PRRT2: variants seen among roughly 807,000 people sequenced by gnomAD.
The protein encoded by PRRT2 is proline-rich transmembrane protein 2.
Under a neutral mutation model 24.7 loss-of-function variants are expected in PRRT2, and 9 were observed. The observed-to-expected ratio is 0.36, with a 90% CI of 0.22 to 0.64. The LOEUF (loss-of-function observed/expected upper bound fraction) is 0.64, where lower values mean the gene tolerates loss of function less well. PRRT2 is among the 30% of genes least tolerant of loss of function. The probability of loss-of-function intolerance (pLI) is 0.65; values close to 1 mark genes in which losing one functional copy is unlikely to be tolerated. For synonymous variants in PRRT2, 195 were observed against 175.5 expected (o/e 1.11, Z -0.88); for missense variants, 460 against 435.0 (o/e 1.06, Z -0.51).
chr16:29,813,629 G>C lies in PRRT2; in HGVS notation c.575G>C (p.Gly192Ala). The C allele has an allele frequency of 1.9e-6, 3 of 1,613,262 alleles. No individual in the cohort carries two copies. Among genetic ancestry groups the C allele is most frequent in the South Asian group, 1.1e-5 (1 of 91,012 alleles). The change falls in exon 2 of 4, where the codon GGG becomes GCG. Residue 192 changes from glycine (G) to alanine (A), a missense_variant. Gly to Ala is a moderately conservative substitution (Grantham distance 60). Around this residue, in one of 3 missense-constraint regions of PRRT2, gnomAD observed 378 missense variants for 324.6 expected, o/e 1.16. Coordinates refer to ENST00000358758, the MANE Select transcript of PRRT2 (RefSeq NM_145239.3). ...GTGGTGCCCCTGCAGGCTGGTGATG[G>C]GGAAGAGGGCCCAGCCCCTGAGCCT... ...GAVVPLQAGD[G>A]EEGPAPEPHS...
rs1202082132 is a variant in PRRT2 at position 29,814,146 on chromosome 16, AAC to A, written c.880-184_880-183del. On this transcript the variant is annotated intron_variant, in intron 2 of 3. Transcript: ENST00000358758. This position sits in a 1 kb window ranked among gnomAD's most constrained non-coding sequence, Gnocchi z 4.1. ...CCCCTTTGGGTGGGAGGGATATGGAAACACGTGTCACACAGCCTCGCTGACCT... is the reference window on the plus strand; with the variant it reads ...CCCCTTTGGGTGGGAGGGATATGGAAACGTGTCACACAGCCTCGCTGACCT... 3 of 1,487,870 alleles carry A rather than the reference AAC, an allele frequency of 2.0e-6. No individual in the cohort carries two copies. Among genetic ancestry groups the A allele is most frequent in the African/African-American group, 1.4e-5 (1 of 71,076 alleles). The allele number at this position is 1,487,870 out of a possible 1,614,324, so 92.2% of individuals were successfully genotyped here. A position where few individuals can be genotyped will look rare whatever the true frequency, so the allele number is the denominator to read the frequency against.
rs10569553 is a variant in PRRT2, at chr16:29,815,724, TAAAAAAAAA to T, written c.*1105_*1113del. The T allele has an allele frequency of 7.6e-4, 23 of 30,356 alleles. No homozygotes were observed. Among genetic ancestry groups the T allele is most frequent in the East Asian group, 3.6e-3 (3 of 844 alleles). 1.9% of individuals were successfully genotyped at this position (30,356 alleles called of 1,614,324 possible). ...CGGATTTGGCGGGGGTTTTTTTCCT[TAAAAAAAAA>T]AAAAAAAAAAAAAAAAAAGTCTGGG... is the stretch of plus-strand genomic sequence containing the variant. On this transcript the variant is annotated 3_prime_UTR_variant, in exon 4 of 4. Coordinates refer to ENST00000358758, the MANE Select transcript of PRRT2 (RefSeq NM_145239.3).
In PRRT2 at chr16:29,812,998, G is replaced by A. The variant is rs1057523086; in HGVS notation, c.-57G>A. On this transcript the variant is annotated 5_prime_UTR_variant, in exon 2 of 4. Coordinates refer to ENST00000358758, the MANE Select transcript of PRRT2 (RefSeq NM_145239.3). ...ATCTCCTCCTCTTCCAGGGTTTGCC[G>A]CTGTCTCTGCTATTCCATCCTCCCC... 7.9e-6 allele frequency: 12 copies of A among 1,522,018 alleles called. No homozygotes were observed. The highest frequency in any genetic ancestry group is 1.1e-5 in the Non-Finnish European group (12 of 1,133,300). 94.3% of individuals were successfully genotyped at this position (1,522,018 alleles called of 1,614,324 possible).
At position 29,813,219 on chromosome 16, in the gene PRRT2, T is replaced by C. The variant is rs754536441; in HGVS notation, c.165T>C (p.Thr55=). Residue 55 remains threonine (T), a synonymous_variant, in exon 2 of 4, where the codon ACT becomes ACC. Transcript: ENST00000358758. ...PEAPQPGPNT[T]AAPVDSGPKA... is the part of the protein sequence containing the mutation. The stretch of plus-strand genomic sequence containing the variant: ...CCCCGCAGCCAGGTCCAAACACCAC[T>C]GCGGCCCCTGTGGACTCAGGGCCCA... 9.9e-6 allele frequency: 16 copies of C among 1,613,834 alleles called. No homozygotes were observed. The East Asian group carries it at 3.6e-4, about 36-fold the overall frequency.
In PRRT2 at chr16:29,813,357, C is replaced by G. The variant is rs570325174; in HGVS notation, c.303C>G (p.Pro101=). ...PGGESKANCS[P]EDPCQETVSK... ...GGGAATCAAAGGCCAACTGCAGCCC[C>G]GAAGACCCATGCCAAGAAACAGTGT... The change falls in exon 2 of 4, where the codon CCC becomes CCG. Residue 101 remains proline (P), a synonymous_variant. Transcript: ENST00000358758. 6 of 1,614,090 alleles carry G rather than the reference C, an allele frequency of 3.7e-6. No homozygotes were observed. Among genetic ancestry groups the G allele is most frequent in the South Asian group, 3.3e-5 (3 of 91,076 alleles).
chr16:29,812,279 A>G lies in PRRT2; in HGVS notation c.-110A>G, dbSNP rs1265875704. 1 of 157,138 alleles carries G rather than the reference A, an allele frequency of 6.4e-6. No individual in the cohort carries two copies. Among genetic ancestry groups the G allele is most frequent in the East Asian group, 1.9e-4 (1 of 5,180 alleles). 9.7% of individuals were successfully genotyped at this position (157,138 alleles called of 1,614,324 possible). A position where few individuals can be genotyped will look rare whatever the true frequency, so the allele number is the denominator to read the frequency against. ...TCCCTCCCGGGCTGCGGCTGCTGCA[A>G]AAGCCAGCAGCGGCAGCGGGAGCTG... On this transcript the variant is annotated 5_prime_UTR_variant, in exon 1 of 4. Coordinates refer to ENST00000358758, the MANE Select transcript of PRRT2 (RefSeq NM_145239.3).
rs1403733374 is a variant in PRRT2, at chr16:29,814,115, GC to G, written c.879+185del. On this transcript the variant is annotated intron_variant, in intron 2 of 3. Coordinates refer to ENST00000358758, the MANE Select transcript of PRRT2 (RefSeq NM_145239.3). The surrounding 1 kb of genome is among the most constrained non-coding windows in gnomAD (Gnocchi z 4.1). ...GGACCTAACCCTCTGAGCCACCACT[GC>G]CCTGCCCCTTTGGGTGGGAGGGATA... is the stretch of plus-strand genomic sequence containing the variant. 6.8e-7 allele frequency: 1 copy of G among 1,478,082 alleles called. No homozygotes were observed. Among genetic ancestry groups the G allele is most frequent in the Admixed American group, 2.5e-5 (1 of 40,038 alleles). 91.6% of individuals were successfully genotyped at this position (1,478,082 alleles called of 1,614,324 possible). A position where few individuals can be genotyped will look rare whatever the true frequency, so the allele number is the denominator to read the frequency against.
At position 29,813,211 on chromosome 16, in the gene PRRT2, A is replaced by T. The variant is rs1164379703; in HGVS notation, c.157A>T (p.Asn53Tyr). The T allele has an allele frequency of 6.2e-7, 1 of 1,613,800 alleles. No individual in the cohort carries two copies. ...DQPEAPQPGP[N>Y]TTAAPVDSGP... ...GCCAGAGGCCCCGCAGCCAGGTCCA[A>T]ACACCACTGCGGCCCCTGTGGACTC... The change falls in exon 2 of 4, where the codon AAC becomes TAC. Residue 53 changes from asparagine to tyrosine, a missense_variant. Coordinates refer to ENST00000358758, the MANE Select transcript of PRRT2 (RefSeq NM_145239.3).
Position 29,813,734 on chromosome 16 carries a change from G to C in PRRT2, c.680G>C (p.Arg227Pro). The stretch of plus-strand genomic sequence containing the variant: ...CTGCAGCAGCTGGTTGAGGAGGATC[G>C]AATGAGAAGGGCACACAGTGGGCAT... ...RVLQQLVEED[R>P]MRRAHSGHPG... is the part of the protein sequence containing the mutation. The change falls in exon 2 of 4, where the codon CGA becomes CCA. Residue 227 changes from arginine to proline, a missense_variant. Around this residue, in one of 3 missense-constraint regions of PRRT2, gnomAD observed 378 missense variants for 324.6 expected, o/e 1.16. Coordinates refer to ENST00000358758, the MANE Select transcript of PRRT2 (RefSeq NM_145239.3). 6.3e-7 allele frequency: 1 copy of C among 1,581,488 alleles called. No homozygotes were observed. The highest frequency in any genetic ancestry group is 1.7e-4 in the Middle Eastern group (1 of 5,876).
Position 29,813,018 on chromosome 16 carries a change from C to G in PRRT2, c.-37C>G. The G allele has an allele frequency of 3.9e-6, 6 of 1,549,102 alleles. No individual in the cohort carries two copies. The highest frequency in any genetic ancestry group is 5.2e-6 in the Non-Finnish European group (6 of 1,150,758). On this transcript the variant is annotated 5_prime_UTR_variant, in exon 2 of 4. Coordinates refer to ENST00000358758, the MANE Select transcript of PRRT2 (RefSeq NM_145239.3). ...TTGCCGCTGTCTCTGCTATTCCATC[C>G]TCCCCATAGGGGCTCTCTCCCCTCT... is the stretch of plus-strand genomic sequence containing the variant.
rs387907128 is a variant in PRRT2, at chr16:29,813,850, C to T, written c.796C>T (p.Arg266Trp). ...GGGGGGTGAAGGCACCCAGAAACCTCGGGACTACATCATCCTTGCCATCCT... is the reference window on the plus strand; with the variant it reads ...GGGGGGTGAAGGCACCCAGAAACCTTGGGACTACATCATCCTTGCCATCCT... ...VEGGEGTQKPRDYIILAILSC... is the reference protein window; with the variant it reads ...VEGGEGTQKPWDYIILAILSC... The change falls in exon 2 of 4, where the codon CGG becomes TGG. Residue 266 changes from arginine (R) to tryptophan (W), a missense_variant. Physicochemically the swap from Arg to Trp is moderately radical, Grantham distance 101. This residue lies in a region of PRRT2 where 18 missense variants were observed against 39.2 expected (regional missense o/e 0.46). Coordinates refer to ENST00000358758, the MANE Select transcript of PRRT2 (RefSeq NM_145239.3). The T allele has an allele frequency of 7.4e-6, 12 of 1,613,630 alleles. No homozygotes were observed. Among genetic ancestry groups the T allele is most frequent in the Non-Finnish European group, 1.0e-5 (12 of 1,179,808 alleles).
chr16:29,813,464 A>G lies in PRRT2; in HGVS notation c.410A>G (p.Glu137Gly). The G allele has an allele frequency of 6.2e-7, 1 of 1,613,818 alleles. No individual in the cohort carries two copies. The highest frequency in any genetic ancestry group is 8.5e-7 in the Non-Finnish European group (1 of 1,179,868). Reference protein sequence around the residue: ...ESAAPPEPAPEPAPQPDPRPD... With the variant: ...ESAAPPEPAPGPAPQPDPRPD... ...GCAGCCCCACCTGAACCAGCCCCAG[A>G]GCCTGCTCCCCAACCAGACCCCCGG... The change falls in exon 2 of 4, where the codon GAG becomes GGG. Residue 137 changes from glutamate to glycine, a missense_variant. Coordinates refer to ENST00000358758, the MANE Select transcript of PRRT2 (RefSeq NM_145239.3).
At chr16:29,812,638 C>G (rs1269523713) in intron 1 of PRRT2, among the ~76,000 whole-genome samples, 1 of 152,070 alleles carries the variant, frequency 6.6e-6, no homozygotes, top group Non-Finnish European at 1.5e-5. Context: ...ATGCGAATGT[C>G]GGGTCCTCTG....
At position 29,813,666 on chromosome 16, in the gene PRRT2, C is replaced by G. The variant is rs149260055; in HGVS notation, c.612C>G (p.Pro204=). The part of the protein sequence containing the change: ...EGPAPEPHSP[P]SKKSPPANGA... ...CAGCCCCTGAGCCTCACTCACCACC[C>G]TCAAAAAAATCCCCCCCAGCCAATG... Residue 204 remains proline, a synonymous_variant, in exon 2 of 4, where the codon CCC becomes CCG. Coordinates refer to ENST00000358758, the MANE Select transcript of PRRT2 (RefSeq NM_145239.3). The G allele has an allele frequency of 2.0e-4, 327 of 1,608,984 alleles. 2 individuals carry two copies. The African/African-American group carries it at 3.9e-3, about 19-fold the overall frequency.
chr16:29,814,259 T>C lies in PRRT2; in HGVS notation c.880-74T>C, dbSNP rs1177466533. The C allele has an allele frequency of 3.3e-6, 5 of 1,509,190 alleles. No homozygotes were observed. In the African/African-American group the frequency reaches 5.6e-5, roughly 17 times the overall value. 93.5% of individuals were successfully genotyped at this position (1,509,190 alleles called of 1,614,324 possible). A position where few individuals can be genotyped will look rare whatever the true frequency, so the allele number is the denominator to read the frequency against. On this transcript the variant is annotated intron_variant, in intron 2 of 3. Transcript: ENST00000358758. The surrounding 1 kb of genome is among the most constrained non-coding windows in gnomAD (Gnocchi z 4.1). Reference sequence around the variant, plus strand: ...TGGCCTCTCTCTCTTCTGGATGACTTTTCCACCTGATCCCTTCTGGGCTGG... The same window carrying C: ...TGGCCTCTCTCTCTTCTGGATGACTCTTCCACCTGATCCCTTCTGGGCTGG...
Position 29,813,046 on chromosome 16 carries a change from C to T in PRRT2, c.-9C>T. ...CCCATAGGGGCTCTCTCCCCTCTCC[C>T]ATCTCAAGATGGCAGCCAGCAGCTC... On this transcript the variant is annotated 5_prime_UTR_variant, in exon 2 of 4. Transcript: ENST00000358758. 6.3e-7 allele frequency: 1 copy of T among 1,588,746 alleles called. No individual in the cohort carries two copies. The highest frequency in any genetic ancestry group is 8.6e-7 in the Non-Finnish European group (1 of 1,168,616).
rs927277305 is a variant in PRRT2, at chr16:29,812,231, C to T, written c.-158C>T. 6.1e-6 allele frequency: 1 copy of T among 163,274 alleles called. No individual in the cohort carries two copies. Among genetic ancestry groups the T allele is most frequent in the Admixed American group, 6.2e-5 (1 of 16,130 alleles). The allele number at this position is 163,274 out of a possible 1,614,324, so 10.1% of individuals were successfully genotyped here. On this transcript the variant is annotated 5_prime_UTR_variant, in exon 1 of 4. Transcript: ENST00000358758. ...AGGAGAAGAGGGAGACCCGCCGCCT[C>T]CCTCCCTCCCTAGCTGACTTGCTCC...
At chr16:29,812,667 G>A (rs1326195156) in intron 1 of PRRT2, among the ~76,000 whole-genome samples, 2 of 152,094 alleles carry the variant, frequency 1.3e-5, no homozygotes, top group Non-Finnish European at 2.9e-5. Flanking sequence ...GCCTGTCGGA[G>A]TGCTATTTGC....
Position 29,814,487 on chromosome 16 carries a change from G to A in PRRT2, c.1012+22G>A. The A allele has an allele frequency of 6.2e-7, 1 of 1,605,758 alleles. No individual in the cohort carries two copies. Among genetic ancestry groups the A allele is most frequent in the Non-Finnish European group, 8.5e-7 (1 of 1,175,688 alleles). ...GGCGGTGAGTGGGGGCTTGGGACAG[G>A]CAGGGGAGGAATGGAAGGGTTGGCA... On this transcript the variant is annotated intron_variant, in intron 3 of 3. Coordinates refer to ENST00000358758, the MANE Select transcript of PRRT2 (RefSeq NM_145239.3). The surrounding 1 kb of genome is among the most constrained non-coding windows in gnomAD (Gnocchi z 4.1).
Sources: gnomAD v4.1 joint callset for allele counts (sites outside exome capture counted in the v4.1 genomes callset) on GRCh38, gnomAD v4.1.1 for gene constraint, gnomAD v4.1.1 regional missense constraint, Gnocchi (gnomAD v3.1) non-coding constraint, MANE v1.5 for transcripts, NCBI Gene and HGNC (gene_info 2026-07-23, HGNC 2026-07-21) for gene names.